Variants in FGF12 observed in about 807,000 individuals in gnomAD.
FGF12 encodes fibroblast growth factor 12B.
A neutral mutation model predicts 23.6 loss-of-function variants in FGF12; 14 were observed. That is an observed-to-expected ratio of 0.59 (90% CI 0.39 to 0.93). The LOEUF is 0.93. FGF12 is among the 40% of genes least tolerant of loss of function. FGF12 has a pLI of 0.00. For synonymous variants in FGF12, 62 were observed against 77.3 expected (o/e 0.80, Z 1.04); for missense variants, 175 against 217.8 (o/e 0.80, Z 1.24).
chr3:192,376,779 T>C (rs115953766), intron 2 of FGF12, among the ~76,000 whole-genome samples: 2,871 of 152,358 alleles, frequency 0.019, 44 homozygotes, highest in East Asian at 0.053. Flanking sequence ...AAAATTTATT[T>C]TAGATTCATC....
At chr3:192,183,845 C>A (rs1188872272) in intron 4 of FGF12, among the ~76,000 whole-genome samples, 3 of 152,210 alleles carry the variant, frequency 2.0e-5, no homozygotes, top group Non-Finnish European at 4.4e-5. Flanking sequence ...GCTCTCCAGT[C>A]CAGGGGTCTG....
chr3:192,177,999 C>CAG, intron 4 of FGF12, among the ~76,000 whole-genome samples: 4 of 152,012 alleles, frequency 2.6e-5, no homozygotes, highest in African/African-American at 9.7e-5. Context: ...TTCGTATTCT[C>CAG]AACAGTTCTG....
intron 4 of FGF12, among the ~76,000 whole-genome samples, chr3:192,286,012 A>G (rs1182967607): frequency 2.0e-5 from 3 of 152,072 alleles, no homozygotes; most frequent in Non-Finnish European, 4.4e-5. Context: ...TATCAAACTT[A>G]GTCATATAAG....
chr3:192,208,830 A>T (rs1187454941), intron 4 of FGF12, among the ~76,000 whole-genome samples: 2 of 152,230 alleles, frequency 1.3e-5, no homozygotes, highest in Admixed American at 1.3e-4. Flanking sequence ...CTCAGTTGCC[A>T]CGTGAGAGGT....
chr3:192,722,068 C>T (rs1173995790), intron 2 of FGF12, among the ~76,000 whole-genome samples: 2 of 152,118 alleles, frequency 1.3e-5, no homozygotes, highest in African/African-American at 4.8e-5. Context: ...CCTCTGTCCC[C>T]CACATTTAAT....
At chr3:192,361,764 T>A (rs1718738520) in intron 2 of FGF12, among the ~76,000 whole-genome samples, 1 of 152,192 alleles carries the variant, frequency 6.6e-6, no homozygotes, top group Non-Finnish European at 1.5e-5. Flanking sequence ...ATAACAAGTG[T>A]CTGCAGTTGG....
At chr3:192,612,370 G>A (rs559774025) in intron 2 of FGF12, among the ~76,000 whole-genome samples, 45 of 151,962 alleles carry the variant, frequency 3.0e-4, no homozygotes, top group African/African-American at 1.0e-3. Context: ...ACAGAGAAAC[G>A]AAGTTTTGCT....
intron 2 of FGF12, chr3:192,673,001 A>G (rs917251105): frequency 1.3e-5 from 2 of 151,092 alleles, no homozygotes; most frequent in East Asian, 1.9e-4. Flanking sequence ...TGGTTTTGCA[A>G]TCACTTCAAG....
intron 2 of FGF12, among the ~76,000 whole-genome samples, chr3:192,460,899 T>G (rs1252312305): frequency 1.3e-5 from 2 of 152,154 alleles, no homozygotes; most frequent in Non-Finnish European, 2.9e-5. Context: ...TTTTAATTCC[T>G]ATGTATTTCC....
chr3:192,441,357 A>G (rs1291956673), intron 2 of FGF12, among the ~76,000 whole-genome samples: 3 of 152,174 alleles, frequency 2.0e-5, no homozygotes, highest in Non-Finnish European at 2.9e-5. Flanking sequence ...TAGAAAAAGT[A>G]TTAGTTAGGT....
intron 2 of FGF12, among the ~76,000 whole-genome samples, chr3:192,454,352 A>C (rs1249613884): frequency 6.6e-6 from 1 of 152,158 alleles, no homozygotes; most frequent in Non-Finnish European, 1.5e-5. Context: ...CTCTCTTAAC[A>C]AGAAAGGCCT....
intron 2 of FGF12, among the ~76,000 whole-genome samples, chr3:192,632,540 G>A (rs1441869040): frequency 6.6e-6 from 1 of 152,172 alleles, no homozygotes. Flanking sequence ...TTAATGCTTT[G>A]GTTGATGCAC....
chr3:192,504,038 G>A (rs1213723280), intron 2 of FGF12, among the ~76,000 whole-genome samples: 1 of 151,974 alleles, frequency 6.6e-6, no homozygotes, highest in Non-Finnish European at 1.5e-5. Flanking sequence ...GTTCTTTGCA[G>A]CAACATGGAT....
chr3:192,177,286 G>A (rs1407729870), intron 4 of FGF12, among the ~76,000 whole-genome samples: 3 of 152,114 alleles, frequency 2.0e-5, no homozygotes, highest in African/African-American at 4.8e-5. Flanking sequence ...AGATATGAAA[G>A]CTCTTTGATA....
intron 2 of FGF12, among the ~76,000 whole-genome samples, chr3:192,698,338 G>T (rs1407909028): frequency 6.6e-6 from 1 of 152,136 alleles, no homozygotes; most frequent in Non-Finnish European, 1.5e-5. Context: ...GATAAATGAA[G>T]TCAGTATAAC....
At chr3:192,331,328 A>G (rs6805287) in intron 4 of FGF12, among the ~76,000 whole-genome samples, 9 of 150,310 alleles carry the variant, frequency 6.0e-5, no homozygotes, top group Non-Finnish European at 8.9e-5. Flanking sequence ...AAAAAAAAAA[A>G]AAAACAAAAA....
chr3:192,167,761 A>G (rs1246323217), intron 5 of FGF12, among the ~76,000 whole-genome samples: 1 of 33,464 alleles, frequency 3.0e-5, no homozygotes, highest in Non-Finnish European at 5.4e-5. Context: ...ATATATATAT[A>G]TATATATAAA....
chr3:192,587,181 T>C (rs1340035708), intron 2 of FGF12, among the ~76,000 whole-genome samples: 2 of 148,490 alleles, frequency 1.3e-5, no homozygotes, highest in East Asian at 3.8e-4. Flanking sequence ...GAAAAGACAT[T>C]ACCTTCTGGT....
At chr3:192,430,281 T>A (rs1576976123) in intron 2 of FGF12, among the ~76,000 whole-genome samples, 1 of 152,168 alleles carries the variant, frequency 6.6e-6, no homozygotes, top group Non-Finnish European at 1.5e-5. Flanking sequence ...GCAAACACTG[T>A]ATTATTCTTC....
Sources: gnomAD v4.1 joint callset for allele counts (sites outside exome capture counted in the v4.1 genomes callset) on GRCh38, gnomAD v4.1.1 for gene constraint, MANE v1.5 for transcripts, NCBI Gene and HGNC (gene_info 2026-07-23, HGNC 2026-07-21) for gene names.